Variants in EFCAB3 observed in about 807,000 individuals in gnomAD.
The protein encoded by EFCAB3 is EF-hand calcium binding domain 3, also known as EF-hand calcium-binding domain-containing protein 3.
Under a neutral mutation model 42.2 loss-of-function variants are expected in EFCAB3, and 36 were observed. That is an observed-to-expected ratio of 0.85 (90% CI 0.65 to 1.13). The LOEUF is 1.13. Among genes scored for constraint, EFCAB3 ranks in the 50% most tolerant of loss-of-function variants. EFCAB3 has a pLI of 0.00. For missense variants in EFCAB3, 418 were observed against 505.1 expected (o/e 0.83, Z 1.65); for synonymous variants, 170 against 172.8 (o/e 0.98, Z 0.13).
chr17:62,371,756 T>A (rs1027090428), intron 1 of EFCAB3, among the ~76,000 whole-genome samples: 26 of 152,188 alleles, frequency 1.7e-4, no homozygotes, highest in African/African-American at 6.0e-4. Flanking sequence ...TGGGGTTGTT[T>A]GTTTATTGAA....
In EFCAB3 at chr17:62,392,261, C is replaced by CAT. The variant is rs566467894; in HGVS notation, c.295+306_295+307dup. 7.2e-4 allele frequency among the ~76,000 whole-genome samples: 108 copies of CAT among 150,356 alleles called. 2 individuals carry two copies. The highest frequency in any genetic ancestry group is 5.7e-3 in the East Asian group (29 of 5,122). ...TCTATGTATACACCACACACACACACATATATATATAGCCTTAAAGGGACA... is the reference window on the plus strand; with the variant it reads ...TCTATGTATACACCACACACACACACATATATATATATAGCCTTAAAGGGACA... On this transcript the variant is annotated intron_variant, in intron 4 of 9. Coordinates refer to ENST00000305286, the MANE Select transcript of EFCAB3 (RefSeq NM_173503.4).
At chr17:62,414,922 G>T (rs2144120693) in intron 9 of EFCAB3, among the ~76,000 whole-genome samples, 1 of 152,020 alleles carries the variant, frequency 6.6e-6, no homozygotes, top group African/African-American at 2.4e-5. Context: ...TGGCCAACAT[G>T]GTGAAACCCC....
rs190597535 is a variant in EFCAB3 at position 62,385,490 on chromosome 17, G to A, written c.75-1850G>A. ...AATTCAAGTAGATAATAAAGAGGAA[G>A]CACCAGAAGAAGAAAGCAATGTTAG... On this transcript the variant is annotated intron_variant, in intron 2 of 9. Transcript: ENST00000305286. Among the ~76,000 whole-genome samples, 22 of 152,096 alleles carry A rather than the reference G, an allele frequency of 1.4e-4. 1 individual carries two copies. The South Asian group carries it at 1.5e-3, about 10-fold the overall frequency.
At chr17:62,410,309 C>T (rs1280920152) in intron 8 of EFCAB3, among the ~76,000 whole-genome samples, 2 of 152,136 alleles carry the variant, frequency 1.3e-5, no homozygotes, top group Admixed American at 1.3e-4. Context: ...ATCACTTGAG[C>T]TCAGGAGTTT....
chr17:62,394,488 CACTA>C (rs1406068128), intron 5 of EFCAB3, among the ~76,000 whole-genome samples: 1 of 152,086 alleles, frequency 6.6e-6, no homozygotes, highest in Non-Finnish European at 1.5e-5. Context: ...CACGTGCTTC[CACTA>C]ACTAATAGAA....
chr17:62,414,350 T>A (rs1324668007), intron 9 of EFCAB3, among the ~76,000 whole-genome samples: 1 of 152,162 alleles, frequency 6.6e-6, no homozygotes, highest in Non-Finnish European at 1.5e-5. Context: ...TCTCAATCTA[T>A]CCTCCTTGGT....
At chr17:62,403,810 G>C (rs1233076729) in intron 6 of EFCAB3, among the ~76,000 whole-genome samples, 2 of 152,028 alleles carry the variant, frequency 1.3e-5, no homozygotes. Context: ...TACCATGCCT[G>C]GCTAATCTTT....
chr17:62,400,306 G>A (rs1365852553), intron 6 of EFCAB3, among the ~76,000 whole-genome samples: 1 of 151,874 alleles, frequency 6.6e-6, no homozygotes, highest in Non-Finnish European at 1.5e-5. Flanking sequence ...GTATATATGT[G>A]CCATGTTGGT....
At chr17:62,401,941 T>C (rs2070406761) in intron 6 of EFCAB3, among the ~76,000 whole-genome samples, 2 of 152,222 alleles carry the variant, frequency 1.3e-5, no homozygotes, top group African/African-American at 2.4e-5. Flanking sequence ...TTCTTCCATT[T>C]GTTTGTGTCT....
intron 2 of EFCAB3, among the ~76,000 whole-genome samples, chr17:62,375,498 C>T (rs1228071706): frequency 1.3e-5 from 2 of 152,130 alleles, no homozygotes; most frequent in Non-Finnish European, 2.9e-5. Context: ...TTAGCAATGA[C>T]CAAAAGATAA....
At chr17:62,392,309 C>T (rs960724865) in intron 4 of EFCAB3, among the ~76,000 whole-genome samples, 10 of 150,836 alleles carry the variant, frequency 6.6e-5, no homozygotes, top group African/African-American at 1.9e-4. Context: ...TGTGTGTCTG[C>T]GTGTGTATGT....
chr17:62,408,784 C>T (rs1332281863), intron 8 of EFCAB3, among the ~76,000 whole-genome samples: 1 of 152,206 alleles, frequency 6.6e-6, no homozygotes, highest in Non-Finnish European at 1.5e-5. Flanking sequence ...GTGCATTCCA[C>T]TCCATCCTCA....
At chr17:62,403,611 T>C (rs2070422959) in intron 6 of EFCAB3, among the ~76,000 whole-genome samples, 1 of 152,186 alleles carries the variant, frequency 6.6e-6, no homozygotes, top group Non-Finnish European at 1.5e-5. Flanking sequence ...CTTCATAATA[T>C]ATCCTTTGCT....
chr17:62,375,176 A>C (rs1392928938), intron 2 of EFCAB3, among the ~76,000 whole-genome samples: 1 of 152,246 alleles, frequency 6.6e-6, no homozygotes, highest in African/African-American at 2.4e-5. Context: ...AGTATCCACA[A>C]AATGAATTTT....
rs116674387 is a variant in EFCAB3, at chr17:62,391,734, A to G, written c.152-88A>G. The G allele has an allele frequency of 1.7e-3, 2,208 of 1,297,744 alleles. 26 individuals are homozygous for G. The African/African-American group carries it at 0.03, about 18-fold the overall frequency. 80.4% of individuals were successfully genotyped at this position (1,297,744 alleles called of 1,614,324 possible). On this transcript the variant is annotated intron_variant, in intron 3 of 9. Coordinates refer to ENST00000305286, the MANE Select transcript of EFCAB3 (RefSeq NM_173503.4). ...ATCCTTTTTTTAGAACATGATCTCC[A>G]GTCAACTATATTGTCTGTCCTAGTC...
chr17:62,383,367 G>A (rs1198892467), intron 2 of EFCAB3, among the ~76,000 whole-genome samples: 2 of 152,064 alleles, frequency 1.3e-5, no homozygotes, highest in Non-Finnish European at 2.9e-5. Flanking sequence ...CCAGCTACTC[G>A]AGAGGCTGAG....
intron 2 of EFCAB3, chr17:62,373,971 A>G: frequency 1.8e-6 from 1 of 565,188 alleles, no homozygotes; most frequent in Non-Finnish European, 2.9e-6. Context: ...TTCATTATAG[A>G]AAATTTCTAT....
intron 4 of EFCAB3, among the ~76,000 whole-genome samples, chr17:62,392,374 A>G (rs1391176900): frequency 1.3e-5 from 2 of 151,820 alleles, no homozygotes; most frequent in Non-Finnish European, 2.9e-5. Flanking sequence ...GTGAAATCAA[A>G]TTAATCCTAG....
chr17:62,389,883 T>C lies in EFCAB3; in HGVS notation c.152-1939T>C, dbSNP rs1420011559. On this transcript the variant is annotated intron_variant, in intron 3 of 9. Transcript: ENST00000305286. ...CTCACTGCAAGCTCCGCCTCCCAGG[T>C]TCACGCCATTCTCCTGCCTCAGCCT... Among the ~76,000 whole-genome samples, 3 of 152,112 alleles carry C rather than the reference T, an allele frequency of 2.0e-5. No individual in the cohort carries two copies. In the East Asian group the frequency reaches 5.8e-4, roughly 29 times the overall value.
Sources: gnomAD v4.1 joint callset for allele counts (sites outside exome capture counted in the v4.1 genomes callset) on GRCh38, gnomAD v4.1.1 for gene constraint, MANE v1.5 for transcripts, NCBI Gene and HGNC (gene_info 2026-07-23, HGNC 2026-07-21) for gene names.